Variants in CATSPERB observed in about 807,000 individuals in gnomAD.
CATSPERB encodes the protein cation channel sperm-associated auxiliary subunit beta.
Under a neutral mutation model 128.3 loss-of-function variants are expected in CATSPERB, and 93 were observed. The ratio of observed to expected loss-of-function variants is 0.72; its 90% CI spans 0.61 to 0.86. The LOEUF (loss-of-function observed/expected upper bound fraction) is 0.86. Ranked by LOEUF, CATSPERB falls within the 40% of genes least tolerant of loss-of-function variation. The pLI, the probability that CATSPERB is intolerant of heterozygous loss-of-function variation, is 0.00. For synonymous variants in CATSPERB, 381 were observed against 448.8 expected, an observed-to-expected ratio of 0.85 and a Z score of 1.91; for missense variants, 1,153 against 1,329.5, an observed-to-expected ratio of 0.87 and a Z score of 2.06.
chr14:91,613,426 T>C (rs192418313), intron 20 of CATSPERB, among the ~76,000 whole-genome samples: 1 of 152,274 alleles, frequency 6.6e-6, no homozygotes, highest in African/African-American at 2.4e-5. Flanking sequence ...AAAGTGTATA[T>C]ACCATGTGTC....
intron 26 of CATSPERB, among the ~76,000 whole-genome samples, chr14:91,581,721 A>G (rs1366714436): frequency 6.6e-6 from 1 of 152,214 alleles, no homozygotes; most frequent in Non-Finnish European, 1.5e-5. Context: ...AGGGACAGTG[A>G]TGTCTTTTTC....
intron 20 of CATSPERB, among the ~76,000 whole-genome samples, chr14:91,616,936 G>A (rs1415291422): frequency 1.3e-5 from 2 of 151,720 alleles, no homozygotes; most frequent in African/African-American, 2.4e-5. Flanking sequence ...TAGAGACGGG[G>A]TTTCTCCATG....
rs765427457 is a variant in CATSPERB at position 91,704,567 on chromosome 14, C to A, written c.601G>T (p.Asp201Tyr). The A allele has an allele frequency of 1.2e-6, 2 of 1,613,150 alleles. No homozygotes were observed. Among genetic ancestry groups the A allele is most frequent in the Non-Finnish European group, 1.7e-6 (2 of 1,179,570 alleles). Residue 201 changes from aspartate (D) to tyrosine (Y), a missense_variant, in exon 7 of 27, where the codon GAT (aspartate) becomes TAT (tyrosine). Coordinates refer to ENST00000256343, the MANE Select transcript of CATSPERB (RefSeq NM_024764.4). ...NDVALLGFIV[D>Y]TIVDGVYIGI... is the part of the protein sequence containing the mutation. ...GTAGACCTACCATCAACTATTGTAT[C>A]CACAATGAAGCCTAGTAATGCCACA...
intron 15 of CATSPERB, among the ~76,000 whole-genome samples, chr14:91,651,395 A>G (rs559518145): frequency 1.1e-3 from 166 of 152,268 alleles, no homozygotes; most frequent in African/African-American, 3.8e-3. Context: ...TCTTTCTTCC[A>G]TTGCTAGTCT....
At chr14:91,599,546 A>AAAAG (rs1491379849) in intron 22 of CATSPERB, among the ~76,000 whole-genome samples, 1 of 12,156 alleles carries the variant, frequency 8.2e-5, no homozygotes, top group Non-Finnish European at 1.7e-4. Context: ...GCGGCAGAGC[A>AAAAG]AAAAAAAAAA....
chr14:91,617,661 AC>A lies in CATSPERB; in HGVS notation c.2335del (p.Val779Ter), dbSNP rs1315436324. The A allele has an allele frequency of 6.2e-7, 1 of 1,600,756 alleles. No homozygotes were observed. Among genetic ancestry groups the A allele is most frequent in the Non-Finnish European group, 8.5e-7 (1 of 1,175,016 alleles). ...NPNLLEVTAE[V>X]TFDDTDSYVI... ...ATAACTGTCAGTATCATCAAAAGTC[AC>A]TTCAGCTGTAACTTCCAACAAATTA... On this transcript the variant is annotated frameshift_variant, in exon 20 of 27. Coordinates refer to ENST00000256343, the MANE Select transcript of CATSPERB (RefSeq NM_024764.4). LOFTEE classifies it high-confidence loss of function.
In CATSPERB at chr14:91,701,885, T is replaced by G. The variant is rs534209111; in HGVS notation, c.616+2667A>C. Among the ~76,000 whole-genome samples the G allele has an allele frequency of 2.1e-4, 30 of 145,510 alleles. No individual in the cohort carries two copies. In the South Asian group the frequency reaches 6.9e-3, roughly 34 times the overall value. ...ATGATTGTGCCTCTGCATTCCAGCC[T>G]GGGCAACAGAGAGAGACCCTGTCTC... On this transcript the variant is annotated intron_variant, in intron 7 of 26. Coordinates refer to ENST00000256343, the MANE Select transcript of CATSPERB (RefSeq NM_024764.4).
intron 17 of CATSPERB, among the ~76,000 whole-genome samples, chr14:91,628,535 TG>T (rs1894211519): frequency 6.6e-6 from 1 of 152,156 alleles, no homozygotes; most frequent in Non-Finnish European, 1.5e-5. Flanking sequence ...GGTTGGATCA[TG>T]GGGGCGGTTT....
intron 14 of CATSPERB, among the ~76,000 whole-genome samples, chr14:91,665,107 C>T (rs541259370): frequency 1.1e-4 from 17 of 152,102 alleles, no homozygotes; most frequent in South Asian, 6.2e-4. Context: ...TGCCCAAGCT[C>T]GTCGCGAACT....
intron 16 of CATSPERB, among the ~76,000 whole-genome samples, chr14:91,638,183 T>C (rs547746654): frequency 1.4e-4 from 21 of 152,354 alleles, no homozygotes; most frequent in Non-Finnish European, 2.8e-4. Context: ...AAATGTTTGA[T>C]AATTTGCTGA....
rs1284095342 is a variant in CATSPERB at position 91,591,924 on chromosome 14, G to A, written c.2788C>T (p.His930Tyr). The part of the protein sequence containing the change: ...CNCTKDQKFS[H>Y]AVAFSDCREK... ...CTGCAATCCGAGAAAGCAACAGCAT[G>A]TGAAAACTTCTGATCCTTTGTGCAG... The change falls in exon 23 of 27, where the codon CAT becomes TAT. Residue 930 changes from histidine to tyrosine, a missense_variant. Physicochemically the swap from His to Tyr is moderately conservative, Grantham distance 83. Transcript: ENST00000256343. 2 of 1,613,688 alleles carry A rather than the reference G, an allele frequency of 1.2e-6. No homozygotes were observed. The highest frequency in any genetic ancestry group is 1.3e-5 in the African/African-American group (1 of 74,898).
At chr14:91,614,856 T>C (rs1893906091) in intron 20 of CATSPERB, among the ~76,000 whole-genome samples, 1 of 152,138 alleles carries the variant, frequency 6.6e-6, no homozygotes, top group African/African-American at 2.4e-5. Flanking sequence ...TCCTTCTGTT[T>C]CATAACTTAC....
chr14:91,605,437 T>C, intron 22 of CATSPERB: 1 of 493,472 alleles, frequency 2.0e-6, no homozygotes, highest in Non-Finnish European at 3.6e-6. Context: ...GAAGCGAAAG[T>C]ATCAAGAGGT....
chr14:91,648,633 T>C (rs1438247335), intron 15 of CATSPERB, among the ~76,000 whole-genome samples: 3 of 152,220 alleles, frequency 2.0e-5, no homozygotes, highest in Non-Finnish European at 2.9e-5. Flanking sequence ...ACTATTTATA[T>C]TTTATCACAG....
chr14:91,614,343 C>G (rs967708791), intron 20 of CATSPERB, among the ~76,000 whole-genome samples: 1 of 152,074 alleles, frequency 6.6e-6, no homozygotes, highest in Non-Finnish European at 1.5e-5. Context: ...TTTAAATACC[C>G]AAAATGTTAA....
chr14:91,695,176 C>T (rs1273702195), intron 7 of CATSPERB, among the ~76,000 whole-genome samples: 3 of 145,692 alleles, frequency 2.1e-5, no homozygotes, highest in Non-Finnish European at 4.5e-5. Flanking sequence ...GTCATCCAGG[C>T]TGGGGTGCAG....
intron 22 of CATSPERB, among the ~76,000 whole-genome samples, chr14:91,596,360 C>T (rs958494571): frequency 1.3e-5 from 2 of 151,974 alleles, no homozygotes; most frequent in East Asian, 1.9e-4. Context: ...CCTGCCACCA[C>T]GCCCGGCTAA....
chr14:91,618,672 C>T (rs546699016), intron 19 of CATSPERB, among the ~76,000 whole-genome samples: 1 of 152,352 alleles, frequency 6.6e-6, no homozygotes, highest in South Asian at 2.1e-4. Flanking sequence ...AGACCAATTT[C>T]TGCCTGCAGG....
intron 23 of CATSPERB, 65 bp from the exon 24 acceptor site, chr14:91,589,734 T>TA (rs1411601602): frequency 2.9e-5 from 44 of 1,501,484 alleles, no homozygotes; most frequent in African/African-American, 4.2e-5. Context: ...CATTTCCTGG[T>TA]AAAAAACGAA....
Sources: allele counts gnomAD v4.1 joint callset (sites outside exome capture counted in the v4.1 genomes callset), GRCh38; gene constraint gnomAD v4.1.1; transcripts MANE v1.5; gene names NCBI Gene and HGNC (gene_info 2026-07-23, HGNC 2026-07-21).